Variants in NREP observed in about 807,000 individuals in gnomAD.
The protein encoded by NREP is neuronal regeneration-related protein.
Under a neutral mutation model 8.6 loss-of-function variants are expected in NREP, and 5 were observed. The ratio of observed to expected loss-of-function variants is 0.58; its 90% CI spans 0.30 to 1.22. The LOEUF (loss-of-function observed/expected upper bound fraction) is 1.22, where lower values mean the gene tolerates loss of function less well. NREP is among the 50% of genes most tolerant of loss of function. The pLI is 0.07. For missense variants in NREP, 86 were observed against 82.5 expected (o/e 1.04, Z -0.17); for synonymous variants, 27 against 28.0 (o/e 0.96, Z 0.11).
At chr5:111,847,331 T>A (rs1044332996) in intron 2 of NREP, among the ~76,000 whole-genome samples, 221 of 152,130 alleles carry the variant, frequency 1.5e-3, no homozygotes, top group African/African-American at 5.2e-3. Flanking sequence ...ATCTTGAGTC[T>A]CTTTTTCTTT....
At chr5:111,921,121 A>G (rs1755226922) in intron 2 of NREP, among the ~76,000 whole-genome samples, 2 of 152,118 alleles carry the variant, frequency 1.3e-5, no homozygotes, top group Non-Finnish European at 2.9e-5. Context: ...TGCCTTAACT[A>G]TCTGCCTAGT....
intron 2 of NREP, among the ~76,000 whole-genome samples, chr5:111,779,585 G>C (rs556833695): frequency 6.6e-6 from 1 of 152,302 alleles, no homozygotes; most frequent in East Asian, 1.9e-4. Flanking sequence ...CAAGAAAGGG[G>C]GTAAGGGCAG....
chr5:111,740,458 C>G (rs891714227), intron 2 of NREP, among the ~76,000 whole-genome samples: 1 of 152,086 alleles, frequency 6.6e-6, no homozygotes, highest in African/African-American at 2.4e-5. Context: ...TTGTCCCTCC[C>G]TTCCTTCTTT....
At chr5:111,837,888 A>T (rs888994408) in intron 2 of NREP, among the ~76,000 whole-genome samples, 12 of 152,020 alleles carry the variant, frequency 7.9e-5, no homozygotes, top group African/African-American at 2.4e-4. Context: ...CAGTGGCCAA[A>T]CCGTAAATAA....
At chr5:111,756,296 T>TAAAAAAAAAAAA in intron 1 of NREP, 1 of 237,986 alleles carries the variant, frequency 4.2e-6, no homozygotes, top group Non-Finnish European at 5.1e-6. Flanking sequence ...CTTCCGTGTT[T>TAAAAAAAAAAAA]AAAAAAAAAA....
At chr5:111,876,471 C>T (rs978888033) in intron 2 of NREP, among the ~76,000 whole-genome samples, 10 of 152,124 alleles carry the variant, frequency 6.6e-5, no homozygotes, top group Non-Finnish European at 1.3e-4. Flanking sequence ...AGCAGAATCC[C>T]AAAGCACTTC....
chr5:111,768,527 C>T (rs181359202), intron 2 of NREP, among the ~76,000 whole-genome samples: 2 of 152,298 alleles, frequency 1.3e-5, no homozygotes, highest in East Asian at 3.9e-4. Context: ...TCTCTGCCCC[C>T]TCTAGTAGTC....
chr5:111,739,785 A>T (rs776730667), intron 2 of NREP: 8 of 152,122 alleles, frequency 5.3e-5, no homozygotes, highest in Non-Finnish European at 1.2e-4. Context: ...CGTTCTGGGT[A>T]TGGGAATACC....
intron 2 of NREP, among the ~76,000 whole-genome samples, chr5:111,875,270 C>G (rs1753877227): frequency 6.6e-6 from 1 of 151,880 alleles, no homozygotes; most frequent in Non-Finnish European, 1.5e-5. Context: ...CTAAAAACAT[C>G]TTGTAATAAT....
chr5:111,730,012 C>G lies in NREP; in HGVS notation c.*909G>C, dbSNP rs1358123493. ...ACAGAAAGAACCCAAAGAGACACCT[C>G]AAAATGCCTGTAAAATTATTGCTTT... is the stretch of plus-strand genomic sequence containing the variant. On this transcript the variant is annotated 3_prime_UTR_variant, in exon 4 of 4. Coordinates refer to ENST00000257435, the MANE Select transcript of NREP (RefSeq NM_004772.4). The G allele has an allele frequency of 6.6e-6, 1 of 150,832 alleles. No individual in the cohort carries two copies. Among genetic ancestry groups the G allele is most frequent in the Non-Finnish European group, 1.5e-5 (1 of 67,876 alleles). 9.3% of individuals were successfully genotyped at this position (150,832 alleles called of 1,614,324 possible).
intron 2 of NREP, among the ~76,000 whole-genome samples, chr5:111,769,353 C>G (rs370432030): frequency 1.6e-4 from 25 of 152,280 alleles, no homozygotes; most frequent in African/African-American, 5.5e-4. Flanking sequence ...ATCACAAATC[C>G]AAGGCACAAG....
At chr5:111,733,145 A>G (rs1748755310) in intron 3 of NREP, 1 of 152,162 alleles carries the variant, frequency 6.6e-6, no homozygotes, top group Non-Finnish European at 1.5e-5. Context: ...GATAATATAC[A>G]TTTCTTCATT....
intron 2 of NREP, among the ~76,000 whole-genome samples, chr5:111,866,509 C>G (rs1454833616): frequency 2.0e-5 from 3 of 152,036 alleles, no homozygotes; most frequent in African/African-American, 4.8e-5. Flanking sequence ...AGGTGCTGGA[C>G]AGGATGTGGA....
At chr5:111,774,061 C>T (rs1190221838) in intron 2 of NREP, among the ~76,000 whole-genome samples, 1 of 152,106 alleles carries the variant, frequency 6.6e-6, no homozygotes, top group Non-Finnish European at 1.5e-5. Flanking sequence ...TATGTATTCC[C>T]AGAATTTAGA....
chr5:111,801,493 C>T (rs1752006885), intron 2 of NREP, among the ~76,000 whole-genome samples: 1 of 152,166 alleles, frequency 6.6e-6, no homozygotes, highest in East Asian at 1.9e-4. Flanking sequence ...AAAAAGAGGC[C>T]TTTCATAGTT....
At chr5:111,873,052 T>G (rs1166477073) in intron 2 of NREP, among the ~76,000 whole-genome samples, 1 of 152,154 alleles carries the variant, frequency 6.6e-6, no homozygotes, top group African/African-American at 2.4e-5. Flanking sequence ...CTACTAAGCC[T>G]TCATTTGGAC....
At chr5:111,967,930 G>A (rs1403180021) in intron 2 of NREP, among the ~76,000 whole-genome samples, 1 of 151,710 alleles carries the variant, frequency 6.6e-6, no homozygotes, top group Non-Finnish European at 1.5e-5. Context: ...CCATGGATGA[G>A]CAGAACAATA....
intron 2 of NREP, among the ~76,000 whole-genome samples, chr5:111,955,703 T>C (rs1057332764): frequency 6.6e-6 from 1 of 152,044 alleles, no homozygotes; most frequent in Non-Finnish European, 1.5e-5. Flanking sequence ...TAAATTACAC[T>C]TGTCTTTATG....
intron 2 of NREP, among the ~76,000 whole-genome samples, chr5:111,824,371 A>AAAAT (rs1219236561): frequency 2.0e-5 from 3 of 152,236 alleles, no homozygotes; most frequent in East Asian, 1.9e-4. Context: ...TCCGTCTCAA[A>AAAAT]AAATAAATAA....
Sources: allele counts gnomAD v4.1 joint callset (sites outside exome capture counted in the v4.1 genomes callset), GRCh38; gene constraint gnomAD v4.1.1; transcripts MANE v1.5; gene names NCBI Gene and HGNC (gene_info 2026-07-23, HGNC 2026-07-21).